The following ATP8A1 variants were observed in gnomAD, a reference collection of about 807,000 sequenced individuals.
ATP8A1 encodes the protein ATPase phospholipid transporting 8A1.
In ATP8A1, 90 loss-of-function variants were observed where a neutral mutation model predicts 177.7. The ratio of observed to expected loss-of-function variants is 0.51; its 90% CI spans 0.43 to 0.60. ATP8A1 has a LOEUF of 0.60. Ranked by LOEUF, ATP8A1 falls within the 20% of genes least tolerant of loss-of-function variation. The pLI is 0.00. For missense variants in ATP8A1, 1,072 were observed against 1,392.8 expected (o/e 0.77, Z 3.67); for synonymous variants, 493 against 485.9 (o/e 1.01, Z -0.19).
intron 20 of ATP8A1, among the ~76,000 whole-genome samples, chr4:42,525,170 G>A (rs1279207293): frequency 6.6e-6 from 1 of 152,148 alleles, no homozygotes; most frequent in Non-Finnish European, 1.5e-5. Context: ...CACCTTCATA[G>A]GTATTCATAG....
intron 33 of ATP8A1, among the ~76,000 whole-genome samples, chr4:42,438,512 G>C (rs944588996): frequency 2.0e-5 from 3 of 152,098 alleles, no homozygotes; most frequent in Non-Finnish European, 4.4e-5. Flanking sequence ...GATATGAAGT[G>C]AGATGGAATT....
intron 33 of ATP8A1, among the ~76,000 whole-genome samples, chr4:42,439,988 T>C (rs948491081): frequency 2.6e-5 from 4 of 152,214 alleles, no homozygotes; most frequent in Admixed American, 6.5e-5. Flanking sequence ...TGTGCCTCAA[T>C]TTCCACATCT....
At chr4:42,512,201 A>G (rs989322849) in intron 22 of ATP8A1, among the ~76,000 whole-genome samples, 1 of 152,246 alleles carries the variant, frequency 6.6e-6, no homozygotes, top group Non-Finnish European at 1.5e-5. Context: ...AACACCAAGA[A>G]CTAATACATA....
intron 20 of ATP8A1, among the ~76,000 whole-genome samples, chr4:42,528,489 CAGA>C (rs949607661): frequency 7.2e-5 from 11 of 152,056 alleles, no homozygotes; most frequent in African/African-American, 2.7e-4. Context: ...AGTGGATTAT[CAGA>C]AGTTTAACCA....
At position 42,423,655 on chromosome 4, in the gene ATP8A1, G is replaced by A. The variant is rs1042282595; in HGVS notation, c.3174C>T (p.Ile1058=). ...SGVFWMGLLF[I]PVASLLLDVV... is the part of the protein sequence containing the mutation. ...CATCAAGGAGCAGAGATGCCACAGG[G>A]ATGAATAACAAGCCCATCCAAAAGA... is the stretch of plus-strand genomic sequence containing the variant. Residue 1058 remains isoleucine, a synonymous_variant, in exon 34 of 37, where the codon ATC becomes ATT. Transcript: ENST00000381668. 2 of 1,612,686 alleles carry A rather than the reference G, an allele frequency of 1.2e-6. No individual in the cohort carries two copies. Among genetic ancestry groups the A allele is most frequent in the African/African-American group, 1.3e-5 (1 of 74,880 alleles).
chr4:42,480,151 T>C (rs1721524713), intron 25 of ATP8A1, among the ~76,000 whole-genome samples: 1 of 152,112 alleles, frequency 6.6e-6, no homozygotes, highest in Admixed American at 6.5e-5. Flanking sequence ...TTTTTAGACA[T>C]TTTATTGTCA....
chr4:42,540,103 C>G (rs1464446837), intron 20 of ATP8A1, among the ~76,000 whole-genome samples: 2 of 152,024 alleles, frequency 1.3e-5, no homozygotes, highest in Non-Finnish European at 2.9e-5. Context: ...ACAAATAATT[C>G]CCTTAAAAGG....
chr4:42,587,394 G>A (rs770343630), intron 8 of ATP8A1, among the ~76,000 whole-genome samples: 18 of 149,602 alleles, frequency 1.2e-4, no homozygotes, highest in Middle Eastern at 3.5e-3. Flanking sequence ...TACAACCTCC[G>A]CCTCTCGGGT....
At chr4:42,456,616 T>G (rs558688376) in intron 27 of ATP8A1, among the ~76,000 whole-genome samples, 1 of 152,142 alleles carries the variant, frequency 6.6e-6, no homozygotes, top group Non-Finnish European at 1.5e-5. Flanking sequence ...AGTACCTACG[T>G]TATTGTTTTT....
chr4:42,512,989 C>T lies in ATP8A1; in HGVS notation c.1948-5835G>A, dbSNP rs114104194. On this transcript the variant is annotated intron_variant, in intron 22 of 36. Coordinates refer to ENST00000381668, the MANE Select transcript of ATP8A1 (RefSeq NM_006095.2). ...TGCTGTGGTAGCATGAAAACAGTTA[C>T]AGACAACATGTAAACAAATGGATGT... 7.9e-3 allele frequency among the ~76,000 whole-genome samples: 1,203 copies of T among 152,296 alleles called. 17 individuals are homozygous for T. Among genetic ancestry groups the T allele is most frequent in the African/African-American group, 0.027 (1,130 of 41,544 alleles).
chr4:42,526,478 TG>T (rs1197997295), intron 20 of ATP8A1, among the ~76,000 whole-genome samples: 1 of 152,154 alleles, frequency 6.6e-6, no homozygotes, highest in African/African-American at 2.4e-5. Context: ...ACCCTTAATC[TG>T]GGTGGGCACA....
intron 25 of ATP8A1, among the ~76,000 whole-genome samples, chr4:42,477,552 A>G (rs1721205583): frequency 6.6e-6 from 1 of 152,174 alleles, no homozygotes; most frequent in Non-Finnish European, 1.5e-5. Context: ...GGGGGCATAC[A>G]GAGGATATAG....
chr4:42,542,354 C>A (rs538310371), intron 20 of ATP8A1, among the ~76,000 whole-genome samples: 1 of 151,958 alleles, frequency 6.6e-6, no homozygotes, highest in Non-Finnish European at 1.5e-5. Flanking sequence ...CCAAACTATA[C>A]AAGAAAGGAT....
intron 25 of ATP8A1, among the ~76,000 whole-genome samples, chr4:42,483,391 A>C (rs1374105403): frequency 4.0e-5 from 6 of 151,822 alleles, no homozygotes; most frequent in Non-Finnish European, 7.4e-5. Flanking sequence ...AAAAAAAAAA[A>C]AACCTTAAAA....
intron 25 of ATP8A1, among the ~76,000 whole-genome samples, chr4:42,474,439 C>A (rs1720827987): frequency 1.3e-5 from 2 of 152,092 alleles, no homozygotes; most frequent in South Asian, 4.1e-4. Context: ...GAAATCAAAC[C>A]CAAAATAACA....
At chr4:42,599,774 C>T (rs1343600358) in intron 6 of ATP8A1, among the ~76,000 whole-genome samples, 3 of 152,112 alleles carry the variant, frequency 2.0e-5, no homozygotes, top group African/African-American at 7.2e-5. Context: ...ATAAAGTGCC[C>T]TAAGAAGGGT....
intron 2 of ATP8A1, chr4:42,626,483 C>T (rs1315789780): frequency 2.6e-5 from 4 of 155,128 alleles, no homozygotes; most frequent in Non-Finnish European, 5.7e-5. Context: ...GTGGCCAGTG[C>T]TTACACAGAT....
chr4:42,501,996 T>C (rs949746679), intron 24 of ATP8A1, among the ~76,000 whole-genome samples: 2 of 152,040 alleles, frequency 1.3e-5, no homozygotes, highest in Non-Finnish European at 2.9e-5. Context: ...CCACTTTACT[T>C]AAAAAATATC....
intron 6 of ATP8A1, among the ~76,000 whole-genome samples, chr4:42,599,212 C>T (rs1213651865): frequency 6.6e-6 from 1 of 152,116 alleles, no homozygotes; most frequent in Non-Finnish European, 1.5e-5. Flanking sequence ...TATTTATTAG[C>T]ATGCATATTT....
Sources: allele counts gnomAD v4.1 joint callset (sites outside exome capture counted in the v4.1 genomes callset), GRCh38; gene constraint gnomAD v4.1.1; transcripts MANE v1.5; gene names NCBI Gene and HGNC (gene_info 2026-07-23, HGNC 2026-07-21).